PTPRD: variants seen among roughly 807,000 people sequenced by gnomAD.
PTPRD encodes receptor-type tyrosine-protein phosphatase delta.
PTPRD carries 34 observed loss-of-function variants against 214.5 expected under a neutral mutation model. That is an observed-to-expected ratio of 0.16 (90% CI 0.12 to 0.21). The LOEUF (loss-of-function observed/expected upper bound fraction) is 0.21. PTPRD is among the 10% of genes least tolerant of loss of function. The pLI is 1.00. For synonymous variants in PTPRD, 1,128 were observed against 845.7 expected (o/e 1.33, Z -5.79); for missense variants, 2,545 against 2,398.7 (o/e 1.06, Z -1.27).
intron 10 of PTPRD, among the ~76,000 whole-genome samples, chr9:9,087,922 T>C (rs2099769702): frequency 8.0e-6 from 1 of 125,326 alleles, no homozygotes; most frequent in Non-Finnish European, 1.6e-5. Flanking sequence ...AGTCTCACTC[T>C]GTTGCCTAGG....
intron 12 of PTPRD, among the ~76,000 whole-genome samples, chr9:8,717,418 C>T (rs1003643554): frequency 6.6e-6 from 1 of 152,084 alleles, no homozygotes; most frequent in African/African-American, 2.4e-5. Context: ...GTATAGGGTC[C>T]TTTGGTATCC....
chr9:8,363,253 A>C (rs947056328), intron 39 of PTPRD, among the ~76,000 whole-genome samples: 2 of 152,312 alleles, frequency 1.3e-5, no homozygotes, highest in East Asian at 3.9e-4. Context: ...GGAGGACAGT[A>C]TAATTTAAAA....
At chr9:10,531,641 G>A (rs10756060) in intron 2 of PTPRD, among the ~76,000 whole-genome samples, 36,629 of 152,074 alleles carry the variant, frequency 0.24, 5,099 homozygotes, top group Non-Finnish European at 0.32. Context: ...ATACAAAGTT[G>A]TAATATCAAA....
Position 10,302,715 on chromosome 9 carries a change from T to C in PTPRD, c.-545+38248A>G, listed in dbSNP as rs190143949. 1.4e-4 allele frequency among the ~76,000 whole-genome samples: 22 copies of C among 152,322 alleles called. No homozygotes were observed. In the East Asian group the frequency reaches 4.0e-3, roughly 28 times the overall value. Reference sequence around the variant, plus strand: ...GATCAATGCAACAAGAAGAGCTAACTGTCCCAAATATATATGCACCCAATA... The same window carrying C: ...GATCAATGCAACAAGAAGAGCTAACCGTCCCAAATATATATGCACCCAATA... On this transcript the variant is annotated intron_variant, in intron 3 of 45. Transcript: ENST00000381196.
intron 3 of PTPRD, among the ~76,000 whole-genome samples, chr9:10,094,117 T>C (rs1287279531): frequency 6.6e-6 from 1 of 151,236 alleles, no homozygotes; most frequent in African/African-American, 2.4e-5. Flanking sequence ...TAAAATAAAA[T>C]ATATGTTTAA....
chr9:10,462,600 T>C (rs1406536003), intron 2 of PTPRD, among the ~76,000 whole-genome samples: 4 of 152,052 alleles, frequency 2.6e-5, no homozygotes, highest in Admixed American at 6.6e-5. Context: ...ATCAGAAACA[T>C]TTTTGTCTGG....
In PTPRD at chr9:10,591,892, G is replaced by T. The variant is rs143708083; in HGVS notation, c.-600+20506C>A. On this transcript the variant is annotated intron_variant, in intron 2 of 45. Coordinates refer to ENST00000381196, the MANE Select transcript of PTPRD (RefSeq NM_002839.4). ...TTGTAGTTGAGACATGGATCCTCCA[G>T]ACTGAGTCAGTCCTGACGTGGCTAC... Among the ~76,000 whole-genome samples, 77 of 152,214 alleles carry T rather than the reference G, an allele frequency of 5.1e-4. 1 individual carries two copies. Among genetic ancestry groups the T allele is most frequent in the African/African-American group, 1.8e-3 (74 of 41,562 alleles).
chr9:8,720,413 G>C (rs1430092923), intron 12 of PTPRD, among the ~76,000 whole-genome samples: 1 of 152,162 alleles, frequency 6.6e-6, no homozygotes, highest in Admixed American at 6.5e-5. Flanking sequence ...AGCCAGTCAG[G>C]GGACTAACCC....
chr9:10,530,812 A>C (rs1421971083), intron 2 of PTPRD, among the ~76,000 whole-genome samples: 1 of 152,192 alleles, frequency 6.6e-6, no homozygotes, highest in Non-Finnish European at 1.5e-5. Context: ...ATAAATAAAT[A>C]AATAAACAGG....
chr9:9,595,379 T>C (rs1399734772), intron 7 of PTPRD, among the ~76,000 whole-genome samples: 1 of 142,072 alleles, frequency 7.0e-6, no homozygotes, highest in Non-Finnish European at 1.5e-5. Context: ...AACTGTGATA[T>C]ATATATTCCA....
chr9:9,556,631 C>G (rs539011091), intron 8 of PTPRD, among the ~76,000 whole-genome samples: 1 of 152,062 alleles, frequency 6.6e-6, no homozygotes, highest in Non-Finnish European at 1.5e-5. Context: ...TGCTAGGGCC[C>G]CATCTAAGAT....
chr9:10,567,970 TTTA>T (rs1272996180), intron 2 of PTPRD, among the ~76,000 whole-genome samples: 2 of 151,682 alleles, frequency 1.3e-5, no homozygotes, highest in Non-Finnish European at 2.9e-5. Flanking sequence ...TTTTTAAAAT[TTTA>T]TTATTATTAT....
chr9:8,494,443 C>G (rs1249237856), intron 26 of PTPRD, among the ~76,000 whole-genome samples: 1 of 152,126 alleles, frequency 6.6e-6, no homozygotes, highest in Non-Finnish European at 1.5e-5. Flanking sequence ...GATAGAAAAA[C>G]CAAGTAAACT....
chr9:8,718,216 T>C (rs2098456629), intron 12 of PTPRD, among the ~76,000 whole-genome samples: 1 of 152,168 alleles, frequency 6.6e-6, no homozygotes, highest in Non-Finnish European at 1.5e-5. Flanking sequence ...GAAAAAGCAA[T>C]CTAGTGGCCT....
intron 30 of PTPRD, 55 bp downstream of exon 30, chr9:8,484,064 T>G: frequency 6.4e-7 from 1 of 1,560,490 alleles, no homozygotes; most frequent in Non-Finnish European, 8.7e-7. Context: ...TGAGATATAA[T>G]GTTCCTATTT....
chr9:10,181,628 AT>A (rs1009767911), intron 3 of PTPRD, among the ~76,000 whole-genome samples: 1 of 152,012 alleles, frequency 6.6e-6, no homozygotes, highest in African/African-American at 2.4e-5. Flanking sequence ...ACTAAGGTAT[AT>A]TATAAAACAT....
chr9:9,510,889 A>C (rs1419338884), intron 8 of PTPRD, among the ~76,000 whole-genome samples: 1 of 151,794 alleles, frequency 6.6e-6, no homozygotes, highest in Admixed American at 6.6e-5. Context: ...GCAAGAAAGG[A>C]AAGTTTAATC....
At chr9:9,449,258 T>G (rs951838036) in intron 8 of PTPRD, among the ~76,000 whole-genome samples, 2 of 152,090 alleles carry the variant, frequency 1.3e-5, no homozygotes, top group African/African-American at 4.8e-5. Context: ...TTTTGAGTTG[T>G]GCTGATGTGT....
chr9:10,061,335 T>C (rs1339998446), intron 3 of PTPRD, among the ~76,000 whole-genome samples: 3 of 152,068 alleles, frequency 2.0e-5, no homozygotes, highest in Admixed American at 1.3e-4. Context: ...AAAGGACCTA[T>C]TATGCATTGA....
Sources: allele counts gnomAD v4.1 joint callset (sites outside exome capture counted in the v4.1 genomes callset), GRCh38; gene constraint gnomAD v4.1.1; transcripts MANE v1.5; gene names NCBI Gene and HGNC (gene_info 2026-07-23, HGNC 2026-07-21).